The following TEX9 variants were observed in gnomAD, a reference collection of about 807,000 sequenced individuals.
The protein encoded by TEX9 is testis expressed 9, also known as testis-expressed protein 9.
Under a neutral mutation model 59.6 loss-of-function variants are expected in TEX9, and 74 were observed. The ratio of observed to expected loss-of-function variants is 1.24; its 90% CI spans 1.03 to 1.51. The LOEUF (loss-of-function observed/expected upper bound fraction) is 1.51, where lower values mean the gene tolerates loss of function less well. Ranked by LOEUF, TEX9 falls within the 40% of genes most tolerant of loss-of-function variation. The probability of loss-of-function intolerance (pLI) is 0.00; values close to 1 mark genes in which losing one functional copy is unlikely to be tolerated. For synonymous variants in TEX9, 186 were observed against 152.2 expected (o/e 1.22, Z -1.64); for missense variants, 522 against 447.8 (o/e 1.17, Z -1.49).
chr15:56,307,626 A>G (rs188543850), intron 1 of TEX9, among the ~76,000 whole-genome samples: 39 of 152,308 alleles, frequency 2.6e-4, no homozygotes, highest in Non-Finnish European at 5.0e-4. Context: ...AAATCATTCA[A>G]TGCAGTGGTT....
intron 1 of TEX9, chr15:56,248,712 G>A (rs1344356104): frequency 1.3e-5 from 2 of 152,284 alleles, no homozygotes; most frequent in South Asian, 2.1e-4. Context: ...GGGCCAAAAA[G>A]TCCCAAGTAG....
At chr15:56,434,808 T>A (rs1596254485) in intron 12 of TEX9, among the ~76,000 whole-genome samples, 1 of 152,172 alleles carries the variant, frequency 6.6e-6, no homozygotes, top group East Asian at 1.9e-4. Flanking sequence ...TCCAACCTCC[T>A]CCTCAAAATC....
intron 1 of TEX9, among the ~76,000 whole-genome samples, chr15:56,285,070 A>G (rs995579828): frequency 1.3e-5 from 2 of 151,512 alleles, no homozygotes; most frequent in Non-Finnish European, 2.9e-5. Context: ...GTTCATTTAA[A>G]CTCACCCATA....
intron 12 of TEX9, chr15:56,443,834 T>TCTGGCC: frequency 6.2e-7 from 1 of 1,602,430 alleles, no homozygotes; most frequent in African/African-American, 1.3e-5. Flanking sequence ...ATTCATTTTT[T>TCTGGCC]CTAACTTTTG....
intron 1 of TEX9, among the ~76,000 whole-genome samples, chr15:56,296,106 T>C (rs2045211596): frequency 6.6e-6 from 1 of 152,196 alleles, no homozygotes; most frequent in African/African-American, 2.4e-5. Flanking sequence ...CCTCCTTCTG[T>C]TCCATCTTAA....
intron 1 of TEX9, among the ~76,000 whole-genome samples, chr15:56,255,934 C>T (rs952007479): frequency 3.3e-5 from 5 of 151,914 alleles, no homozygotes; most frequent in African/African-American, 1.2e-4. Context: ...ACACATGAAA[C>T]ATTAACTAGC....
intron 1 of TEX9, among the ~76,000 whole-genome samples, chr15:56,251,667 A>G (rs1391934972): frequency 2.0e-5 from 3 of 152,174 alleles, no homozygotes; most frequent in African/African-American, 7.2e-5. Flanking sequence ...AACTGTGTGA[A>G]GAGGAGCTCA....
At chr15:56,377,283 T>G (rs1266894917) in intron 3 of TEX9, among the ~76,000 whole-genome samples, 3 of 152,216 alleles carry the variant, frequency 2.0e-5, no homozygotes, top group Non-Finnish European at 4.4e-5. Flanking sequence ...TTTTTCTATT[T>G]CTGTGAAAAT....
chr15:56,254,147 A>G (rs1596044162), intron 1 of TEX9, among the ~76,000 whole-genome samples: 3 of 152,132 alleles, frequency 2.0e-5, no homozygotes, highest in Non-Finnish European at 2.9e-5. Flanking sequence ...GGTGAGGTTA[A>G]TTGGTAACAG....
intron 10 of TEX9, among the ~76,000 whole-genome samples, chr15:56,414,230 A>G (rs72742637): frequency 0.016 from 2,314 of 145,534 alleles, 54 homozygotes; most frequent in Admixed American, 0.066. Context: ...TATTCTAGCC[A>G]GCCATTTTGT....
chr15:56,299,778 G>T (rs775477294), intron 1 of TEX9, among the ~76,000 whole-genome samples: 1 of 151,984 alleles, frequency 6.6e-6, no homozygotes, highest in Non-Finnish European at 1.5e-5. Context: ...TTCTAGACAC[G>T]CCCTGAGCCA....
intron 12 of TEX9, chr15:56,431,548 C>G: frequency 6.3e-7 from 1 of 1,596,416 alleles, no homozygotes; most frequent in Non-Finnish European, 8.5e-7. Context: ...TAATCTTATA[C>G]GAAGTTTTCA....
chr15:56,349,357 T>C (rs1210938755), intron 1 of TEX9, among the ~76,000 whole-genome samples: 1 of 152,178 alleles, frequency 6.6e-6, no homozygotes, highest in African/African-American at 2.4e-5. Context: ...ATTGAGCTGT[T>C]TGAAATCTGC....
At chr15:56,416,160 C>T (rs1019395631) in intron 10 of TEX9, among the ~76,000 whole-genome samples, 3 of 151,828 alleles carry the variant, frequency 2.0e-5, no homozygotes, top group South Asian at 2.1e-4. Context: ...TATAGAATTA[C>T]GCCGTCTGCA....
At chr15:56,279,432 T>C (rs749456030) in intron 1 of TEX9, among the ~76,000 whole-genome samples, 2 of 152,192 alleles carry the variant, frequency 1.3e-5, no homozygotes, top group Non-Finnish European at 2.9e-5. Flanking sequence ...ATCAACAAGA[T>C]GGTAAAGCTG....
intron 1 of TEX9, among the ~76,000 whole-genome samples, chr15:56,285,256 G>C (rs973638099): frequency 3.9e-5 from 6 of 152,162 alleles, no homozygotes; most frequent in South Asian, 4.2e-4. Context: ...AATATTTTCT[G>C]TTGGTACATA....
chr15:56,278,718 T>C (rs2044741382), intron 1 of TEX9, among the ~76,000 whole-genome samples: 1 of 152,090 alleles, frequency 6.6e-6, no homozygotes, highest in African/African-American at 2.4e-5. Context: ...ACTCAGTAAA[T>C]ATCTCATGAG....
chr15:56,355,956 G>T (rs1434442010), intron 1 of TEX9, among the ~76,000 whole-genome samples: 1 of 151,892 alleles, frequency 6.6e-6, no homozygotes, highest in Non-Finnish European at 1.5e-5. Flanking sequence ...TTATAGTATG[G>T]TATATAGAAG....
At chr15:56,319,249 T>G (rs1349220117) in intron 1 of TEX9, among the ~76,000 whole-genome samples, 5 of 151,850 alleles carry the variant, frequency 3.3e-5, no homozygotes, top group Non-Finnish European at 7.4e-5. Flanking sequence ...TTTGAATGGC[T>G]AAGTTAAAGT....
Sources: allele counts gnomAD v4.1 joint callset (sites outside exome capture counted in the v4.1 genomes callset), GRCh38; gene constraint gnomAD v4.1.1; transcripts MANE v1.5; gene names NCBI Gene and HGNC (gene_info 2026-07-23, HGNC 2026-07-21).